Variants in TIMP2 observed in about 807,000 individuals in gnomAD.
TIMP2 encodes the protein TIMP metallopeptidase inhibitor 2, also known as metalloproteinase inhibitor 2.
A neutral mutation model predicts 24.3 loss-of-function variants in TIMP2; 5 were observed. The observed-to-expected ratio is 0.21, with a 90% CI of 0.11 to 0.43. The LOEUF (loss-of-function observed/expected upper bound fraction) is 0.43, where lower values mean the gene tolerates loss of function less well. Among genes scored for constraint, TIMP2 ranks in the 20% least tolerant of loss-of-function variants. TIMP2 has a pLI of 1.00. For missense variants in TIMP2, 221 were observed against 297.5 expected (o/e 0.74, Z 1.89); for synonymous variants, 130 against 123.2 (o/e 1.06, Z -0.37).
intron 1 of TIMP2, among the ~76,000 whole-genome samples, chr17:78,883,861 G>A (rs2069800929): frequency 6.6e-6 from 1 of 152,184 alleles, no homozygotes; most frequent in Admixed American, 6.5e-5. Context: ...GCTCTGGGAG[G>A]ACCTCGGGGC....
rs71161632 is a variant in TIMP2, at chr17:78,854,921, C to CGGGGGGGGGGGGGGGGGGGG, written c.*745_*746insCCCCCCCCCCCCCCCCCCCC. The CGGGGGGGGGGGGGGGGGGGG allele has an allele frequency of 2.6e-4, 10 of 39,086 alleles. No homozygotes were observed. The highest frequency in any genetic ancestry group is 1.1e-3 in the South Asian group (1 of 944). 2.4% of individuals were successfully genotyped at this position (39,086 alleles called of 1,614,324 possible). On this transcript the variant is annotated 3_prime_UTR_variant, in exon 5 of 5. Transcript: ENST00000262768. ...TCCTGCAAGCTGGGGAGCATGTGGG[C>CGGGGGGGGGGGGGGGGGGGG]GGGGGGGGGGGGGTGGGGGGGTGGG... is the stretch of plus-strand genomic sequence containing the variant.
chr17:78,860,330 G>A (rs943137846), intron 3 of TIMP2, among the ~76,000 whole-genome samples: 1 of 152,244 alleles, frequency 6.6e-6, no homozygotes, highest in Non-Finnish European at 1.5e-5. Flanking sequence ...CTCAGGCTGT[G>A]CCCTAAGCAC....
intron 3 of TIMP2, among the ~76,000 whole-genome samples, chr17:78,868,596 C>T (rs2145752064): frequency 6.6e-6 from 1 of 152,226 alleles, no homozygotes; most frequent in Admixed American, 6.6e-5. Flanking sequence ...TTCCTACTTC[C>T]CCAGGGAGGA....
chr17:78,901,792 G>GTC (rs1228735881), intron 1 of TIMP2: 6 of 717,300 alleles, frequency 8.4e-6, no homozygotes, highest in Non-Finnish European at 1.6e-5. Context: ...TACTGTGTGT[G>GTC]TCTCCAGATG....
At chr17:78,876,299 G>A (rs950741067) in intron 1 of TIMP2, among the ~76,000 whole-genome samples, 7 of 151,792 alleles carry the variant, frequency 4.6e-5, no homozygotes, top group African/African-American at 1.5e-4. Context: ...CATAATACTT[G>A]TCTGCCCTGA....
chr17:78,907,494 G>A (rs554775795), intron 1 of TIMP2, among the ~76,000 whole-genome samples: 2 of 152,318 alleles, frequency 1.3e-5, no homozygotes, highest in South Asian at 4.1e-4. Context: ...GCCATCTCAT[G>A]TGGGCACAGT....
intron 1 of TIMP2, among the ~76,000 whole-genome samples, chr17:78,905,500 C>T (rs932630260): frequency 6.6e-5 from 10 of 152,252 alleles, no homozygotes; most frequent in Non-Finnish European, 1.5e-4. Context: ...TTTATCCTCT[C>T]AGCGTGGCCT....
Position 78,905,308 on chromosome 17 carries a change from TCA to T in TIMP2, c.130+19649_130+19650del, listed in dbSNP as rs527505245. Among the ~76,000 whole-genome samples the T allele has an allele frequency of 4.0e-3, 615 of 152,292 alleles. 3 individuals are homozygous for T. Among genetic ancestry groups the T allele is most frequent in the African/African-American group, 0.014 (595 of 41,554 alleles). ...GCACCAGTGACCCTGCTGCTCCAGC[TCA>T]CAGACAGCAGATTCCAGGACCTCCC... On this transcript the variant is annotated intron_variant, in intron 1 of 4. Transcript: ENST00000262768.
intron 1 of TIMP2, among the ~76,000 whole-genome samples, chr17:78,916,771 C>T (rs2070262366): frequency 6.6e-6 from 1 of 152,234 alleles, no homozygotes; most frequent in South Asian, 2.1e-4. Flanking sequence ...CCAGGCTTTG[C>T]TGCTCCACCT....
Position 78,855,614 on chromosome 17 carries a change from G to A in TIMP2, c.*53C>T, listed in dbSNP as rs567836204. 4.1e-5 allele frequency: 66 copies of A among 1,596,238 alleles called. No individual in the cohort carries two copies. The East Asian group carries it at 6.3e-4, about 15-fold the overall frequency. On this transcript the variant is annotated 3_prime_UTR_variant, in exon 5 of 5. Coordinates refer to ENST00000262768, the MANE Select transcript of TIMP2 (RefSeq NM_003255.5). This position sits in a 1 kb window ranked among gnomAD's most constrained non-coding sequence, Gnocchi z 6.0. The stretch of plus-strand genomic sequence containing the variant: ...AAGGGATGTCAGAGCTGGACCAGTC[G>A]AAACCCTTGGAGGCTTTTTTTGCAG...
rs2070342107 is a variant in TIMP2, at chr17:78,925,256, C to T, written c.-168G>A. On this transcript the variant is annotated 5_prime_UTR_variant, in exon 1 of 5. Coordinates refer to ENST00000262768, the MANE Select transcript of TIMP2 (RefSeq NM_003255.5). ...CGCTCGGCCGCGCAAACTTTCTCTCCTCTTTGTCTCGGGGGCGCGAGGGGA... is the reference window on the plus strand; with the variant it reads ...CGCTCGGCCGCGCAAACTTTCTCTCTTCTTTGTCTCGGGGGCGCGAGGGGA... 1 of 148,752 alleles carries T rather than the reference C, an allele frequency of 6.7e-6. No homozygotes were observed. The highest frequency in any genetic ancestry group is 2.5e-5 in the African/African-American group (1 of 39,434). The allele number at this position is 148,752 out of a possible 1,614,324, so 9.2% of individuals were successfully genotyped here. A position where few individuals can be genotyped will look rare whatever the true frequency, so the allele number is the denominator to read the frequency against.
chr17:78,867,849 T>C (rs1476414060), intron 3 of TIMP2, among the ~76,000 whole-genome samples: 2 of 152,112 alleles, frequency 1.3e-5, no homozygotes, highest in Non-Finnish European at 2.9e-5. Flanking sequence ...TCTGCCCGTC[T>C]CGGCCTCCCA....
rs147080333 is a variant in TIMP2, at chr17:78,870,154, G to A, written c.340+744C>T. On this transcript the variant is annotated intron_variant, in intron 3 of 4. Coordinates refer to ENST00000262768, the MANE Select transcript of TIMP2 (RefSeq NM_003255.5). ...TGGTTGGCCGGGCGCGGTGGCTCGC[G>A]CCTGTAATCCTGCCACTTTGGGAGG... is the stretch of plus-strand genomic sequence containing the variant. Among the ~76,000 whole-genome samples the A allele has an allele frequency of 9.1e-3, 1,392 of 152,244 alleles. 16 individuals are homozygous for A. The highest frequency in any genetic ancestry group is 0.031 in the African/African-American group (1,308 of 41,530).
chr17:78,897,043 C>G (rs1238441101), intron 1 of TIMP2: 1 of 975,118 alleles, frequency 1.0e-6, no homozygotes, highest in African/African-American at 1.8e-5. Flanking sequence ...GCAGACCTCA[C>G]CCAGGGACCC....
At position 78,866,512 on chromosome 17, in the gene TIMP2, CA is replaced by C. The variant is rs369829348; in HGVS notation, c.340+4385del. Reference sequence around the variant, plus strand: ...AACCTAAAGTCACCCAACCCCTCCCCACCCCCGACCCCACCAATTCCACTGC... The same window carrying C: ...AACCTAAAGTCACCCAACCCCTCCCCCCCCCGACCCCACCAATTCCACTGC... On this transcript the variant is annotated intron_variant, in intron 3 of 4. Coordinates refer to ENST00000262768, the MANE Select transcript of TIMP2 (RefSeq NM_003255.5). 3.7e-3 allele frequency among the ~76,000 whole-genome samples: 501 copies of C among 134,186 alleles called. 2 individuals carry two copies. The highest frequency in any genetic ancestry group is 0.013 in the African/African-American group (469 of 36,624). 88.0% of individuals were successfully genotyped at this position (134,186 alleles called of 152,430 possible).
chr17:78,920,115 C>T lies in TIMP2; in HGVS notation c.130+4844G>A, dbSNP rs1237860459. Among the ~76,000 whole-genome samples the T allele has an allele frequency of 6.6e-6, 1 of 152,212 alleles. No individual in the cohort carries two copies. The highest frequency in any genetic ancestry group is 1.5e-5 in the Non-Finnish European group (1 of 68,036). On this transcript the variant is annotated intron_variant, in intron 1 of 4. Coordinates refer to ENST00000262768, the MANE Select transcript of TIMP2 (RefSeq NM_003255.5). This position sits in a 1 kb window ranked among gnomAD's most constrained non-coding sequence, Gnocchi z 4.5. ...CCCCTACACACGACCCCCACTGCAT[C>T]GAGTCAGTGGTTCTGCATCAGGACT...
chr17:78,887,247 TGTCCTGC>T (rs773439234), intron 1 of TIMP2, among the ~76,000 whole-genome samples: 13 of 152,220 alleles, frequency 8.5e-5, no homozygotes, highest in Non-Finnish European at 1.5e-4. Context: ...CTGAGCACCT[TGTCCTGC>T]ACAGCCATAG....
intron 3 of TIMP2, among the ~76,000 whole-genome samples, chr17:78,867,417 A>G (rs949026893): frequency 2.6e-5 from 4 of 151,884 alleles, no homozygotes; most frequent in African/African-American, 9.7e-5. Flanking sequence ...TAAGGAAGGG[A>G]GGGAAGATCT....
intron 3 of TIMP2, among the ~76,000 whole-genome samples, chr17:78,870,289 G>A (rs537368082): frequency 5.9e-5 from 9 of 152,052 alleles, no homozygotes; most frequent in African/African-American, 2.2e-4. Flanking sequence ...GGTGGCGTGT[G>A]CCTGTAATCC....
Sources: allele counts gnomAD v4.1 joint callset (sites outside exome capture counted in the v4.1 genomes callset), GRCh38; gene constraint gnomAD v4.1.1; non-coding constraint Gnocchi (gnomAD v3.1); transcripts MANE v1.5; gene names NCBI Gene and HGNC (gene_info 2026-07-23, HGNC 2026-07-21).